LIFR: variants seen among roughly 807,000 people sequenced by gnomAD.
LIFR encodes the protein leukemia inhibitory factor receptor.
Under a neutral mutation model 122.2 loss-of-function variants are expected in LIFR, and 84 were observed. The observed-to-expected ratio is 0.69, with a 90% CI of 0.58 to 0.82. The LOEUF is 0.82. LIFR is among the 40% of genes least tolerant of loss of function. The probability of loss-of-function intolerance (pLI) is 0.00; values close to 1 mark genes in which losing one functional copy is unlikely to be tolerated. For missense variants in LIFR, 1,294 were observed against 1,311.6 expected (o/e 0.99, Z 0.21); for synonymous variants, 422 against 434.7 (o/e 0.97, Z 0.36).
Position 38,475,827 on chromosome 5 carries a change from T to G in LIFR, c.*5768A>C, listed in dbSNP as rs886060606. 4 of 189,066 alleles carry G rather than the reference T, an allele frequency of 2.1e-5. No individual in the cohort carries two copies. The South Asian group carries it at 7.8e-4, about 37-fold the overall frequency. 11.7% of individuals were successfully genotyped at this position (189,066 alleles called of 1,614,324 possible). ...GGAAAGTTAAGTATTTTGAAATGAT[T>G]TATTTTACCTTTCAACATACTTTTA... is the stretch of plus-strand genomic sequence containing the variant. On this transcript the variant is annotated 3_prime_UTR_variant, in exon 20 of 20. Transcript: ENST00000453190.
At chr5:38,515,831 C>T (rs372332172) in intron 5 of LIFR, among the ~76,000 whole-genome samples, 1 of 152,066 alleles carries the variant, frequency 6.6e-6, no homozygotes, top group East Asian at 1.9e-4. Flanking sequence ...GTGCAGCACA[C>T]AGCTCCCACT....
chr5:38,544,167 G>T (rs1328346790), intron 1 of LIFR, among the ~76,000 whole-genome samples: 1 of 152,030 alleles, frequency 6.6e-6, no homozygotes, highest in Non-Finnish European at 1.5e-5. Flanking sequence ...TGCCTGAACT[G>T]CTATAAGAGC....
intron 6 of LIFR, among the ~76,000 whole-genome samples, chr5:38,511,328 T>G (rs947357241): frequency 6.6e-6 from 1 of 152,132 alleles, no homozygotes; most frequent in Non-Finnish European, 1.5e-5. Context: ...GGCCCCCTAT[T>G]CGAAACTGCC....
rs567657966 is a variant in LIFR, at chr5:38,480,509, T to G, written c.*1086A>C. ...GTTTTATATTTAAAAATGTGAGGACTGGATCAGATAATGTGGCATGATGAA... is the reference window on the plus strand; with the variant it reads ...GTTTTATATTTAAAAATGTGAGGACGGGATCAGATAATGTGGCATGATGAA... On this transcript the variant is annotated 3_prime_UTR_variant, in exon 20 of 20. Coordinates refer to ENST00000453190, the MANE Select transcript of LIFR (RefSeq NM_001127671.2). 18 of 216,014 alleles carry G rather than the reference T, an allele frequency of 8.3e-5. No homozygotes were observed. The highest frequency in any genetic ancestry group is 3.7e-4 in the South Asian group (2 of 5,404). 13.4% of individuals were successfully genotyped at this position (216,014 alleles called of 1,614,324 possible).
chr5:38,550,573 G>T (rs1039596733), intron 1 of LIFR, among the ~76,000 whole-genome samples: 1 of 152,208 alleles, frequency 6.6e-6, no homozygotes, highest in Non-Finnish European at 1.5e-5. Flanking sequence ...TATTCTTTCA[G>T]ATTGTATAAG....
chr5:38,536,984 T>C (rs1747324630), intron 1 of LIFR, among the ~76,000 whole-genome samples: 1 of 152,208 alleles, frequency 6.6e-6, no homozygotes. Context: ...TTCCTTTGCA[T>C]TTCCTGGGAA....
In LIFR at chr5:38,506,593, T is replaced by C. The variant is rs202228653; in HGVS notation, c.1031A>G (p.His344Arg). 6 of 1,613,788 alleles carry C rather than the reference T, an allele frequency of 3.7e-6. No homozygotes were observed. The highest frequency in any genetic ancestry group is 5.1e-6 in the Non-Finnish European group (6 of 1,179,696). Residue 344 changes from histidine (H) to arginine (R), a missense_variant, in exon 8 of 20, where the codon CAT becomes CGT. Transcript: ENST00000453190. Reference protein sequence around the residue: ...DTPQQLNCETHDLKEIICSWN... With the variant: ...DTPQQLNCETRDLKEIICSWN... ...ACTACATATAATTTCTTTTAAATCA[T>C]GTGTCTCACAATTCAGTTGTTGAGG... is the stretch of plus-strand genomic sequence containing the variant.
Position 38,485,720 on chromosome 5 carries a change from T to G in LIFR, c.2497+99A>C. 2.9e-6 allele frequency: 4 copies of G among 1,382,472 alleles called. No homozygotes were observed. In the South Asian group the frequency reaches 4.7e-5, roughly 16 times the overall value. 85.6% of individuals were successfully genotyped at this position (1,382,472 alleles called of 1,614,324 possible). ...AAAACTGCAACAAAATGTGAATGTTTTTTAGAAAGGGCGGGGAGGGGTTCC... is the reference window on the plus strand; with the variant it reads ...AAAACTGCAACAAAATGTGAATGTTGTTTAGAAAGGGCGGGGAGGGGTTCC... On this transcript the variant is annotated intron_variant, in intron 17 of 19. Coordinates refer to ENST00000453190, the MANE Select transcript of LIFR (RefSeq NM_001127671.2).
chr5:38,481,989 C>G lies in LIFR; in HGVS notation c.2900G>C (p.Gly967Ala). ...EIPNPAADEAGGTAQVIYIDV... is the reference protein window; with the variant it reads ...EIPNPAADEAAGTAQVIYIDV... Reference sequence around the variant, plus strand: ...AATGTAAATAACCTGTGCAGTCCCTCCAGCTTCATCTGCGGCTGGGTTTGG... The same window carrying G: ...AATGTAAATAACCTGTGCAGTCCCTGCAGCTTCATCTGCGGCTGGGTTTGG... Residue 967 changes from glycine (G) to alanine (A), a missense_variant, in exon 20 of 20, where the codon GGA (glycine) becomes GCA (alanine). Gly to Ala is a moderately conservative substitution (Grantham distance 60). Coordinates refer to ENST00000453190, the MANE Select transcript of LIFR (RefSeq NM_001127671.2). 6.2e-7 allele frequency: 1 copy of G among 1,614,168 alleles called. No individual in the cohort carries two copies. The highest frequency in any genetic ancestry group is 8.5e-7 in the Non-Finnish European group (1 of 1,180,032).
At chr5:38,599,515 A>G (rs938237139), upstream of LIFR, among the ~76,000 whole-genome samples, 1 of 152,190 alleles carries the variant, frequency 6.6e-6, no homozygotes, top group Non-Finnish European at 1.5e-5. Context: ...CATAGGGCCT[A>G]TGTTACAGGT....
intron 1 of LIFR, among the ~76,000 whole-genome samples, chr5:38,606,788 C>G (rs112949316): frequency 6.6e-6 from 1 of 152,124 alleles, no homozygotes; most frequent in African/African-American, 2.4e-5. Flanking sequence ...ATCAAGGACA[C>G]TTTCTTTTTT....
intron 1 of LIFR, among the ~76,000 whole-genome samples, chr5:38,533,130 T>G (rs1747107134): frequency 6.6e-6 from 1 of 152,186 alleles, no homozygotes; most frequent in African/African-American, 2.4e-5. Flanking sequence ...CACCAAAGTT[T>G]GTAAATGTGA....
intron 1 of LIFR, 33 bp downstream of exon 1, chr5:38,556,301 T>G (rs1229713216): frequency 6.6e-6 from 1 of 151,142 alleles, no homozygotes; most frequent in East Asian, 2.0e-4. Flanking sequence ...GCTCCCCTGC[T>G]CCGCGCCGCG....
chr5:38,496,359 A>C, intron 13 of LIFR, 23 bp downstream of exon 13: 1 of 1,552,898 alleles, frequency 6.4e-7, no homozygotes, highest in African/African-American at 1.4e-5. Flanking sequence ...GTTCTTATAT[A>C]CTAAATCATC....
At chr5:38,595,873 CA>C (rs11365167), upstream of LIFR, among the ~76,000 whole-genome samples, 125,056 of 151,692 alleles carry the variant, frequency 0.82, 51,714 homozygotes, top group East Asian at 0.96. Context: ...GCTGGGACTA[CA>C]AGGCGCCCGC....
chr5:38,545,806 G>A (rs1747854176), intron 1 of LIFR, among the ~76,000 whole-genome samples: 1 of 147,616 alleles, frequency 6.8e-6, no homozygotes, highest in Non-Finnish European at 1.5e-5. Flanking sequence ...ACCTTGCAGT[G>A]AGCCGAGATC....
chr5:38,570,249 G>A (rs1749166606), intron 1 of LIFR, among the ~76,000 whole-genome samples: 1 of 152,160 alleles, frequency 6.6e-6, no homozygotes, highest in Admixed American at 6.5e-5. Flanking sequence ...TATTTAATAA[G>A]TACATGTAAG....
intron 1 of LIFR, among the ~76,000 whole-genome samples, chr5:38,576,427 G>T (rs1749387841): frequency 6.6e-6 from 1 of 152,132 alleles, no homozygotes; most frequent in Non-Finnish European, 1.5e-5. Context: ...GCATAACCTT[G>T]CTCAACCTTG....
intron 5 of LIFR, 86 bp from the exon 6 acceptor site, chr5:38,512,050 C>T: frequency 7.5e-7 from 1 of 1,329,052 alleles, no homozygotes; most frequent in Admixed American, 1.9e-5. Flanking sequence ...CAATAGATTC[C>T]ATACAATCAT....
Sources: gnomAD v4.1 joint callset for allele counts (sites outside exome capture counted in the v4.1 genomes callset) on GRCh38, gnomAD v4.1.1 for gene constraint, MANE v1.5 for transcripts, NCBI Gene and HGNC (gene_info 2026-07-23, HGNC 2026-07-21) for gene names.